The following NFKB1 variants were observed in gnomAD, a reference collection of about 807,000 sequenced individuals.
The protein encoded by NFKB1 is nuclear factor kappa B subunit 1.
In NFKB1, 9 loss-of-function variants were observed where a neutral mutation model predicts 105.1. That is an observed-to-expected ratio of 0.09 (90% confidence interval 0.05 to 0.15). The LOEUF (loss-of-function observed/expected upper bound fraction) is 0.15. NFKB1 is among the 10% of genes least tolerant of loss of function. The probability of loss-of-function intolerance (pLI) is 1.00; values close to 1 mark genes in which losing one functional copy is unlikely to be tolerated. For synonymous variants in NFKB1, 440 were observed against 442.2 expected, an observed-to-expected ratio of 1.00 and a Z score of 0.06; for missense variants, 830 against 1,203.7, an observed-to-expected ratio of 0.69 and a Z score of 4.59.
chr4:102,580,167 C>A (rs934580165), intron 8 of NFKB1, among the ~76,000 whole-genome samples: 1 of 152,100 alleles, frequency 6.6e-6, no homozygotes, highest in Admixed American at 6.6e-5. Context: ...AGAATAATAG[C>A]AGAATCATGG....
chr4:102,509,095 G>A (rs761188831), intron 1 of NFKB1, among the ~76,000 whole-genome samples: 8 of 152,078 alleles, frequency 5.3e-5, no homozygotes, highest in East Asian at 1.9e-4. Context: ...AGTCAGTTGC[G>A]ATCAAGCAAA....
intron 7 of NFKB1, 116 bp downstream of exon 7, chr4:102,577,155 C>T (rs1292377011): frequency 1.9e-6 from 2 of 1,065,854 alleles, no homozygotes; most frequent in Non-Finnish European, 2.6e-6. Flanking sequence ...CTGCTGTCAC[C>T]TTTTCCTTGC....
intron 6 of NFKB1, among the ~76,000 whole-genome samples, 173 bp downstream of exon 6, chr4:102,567,308 A>G (rs1369166564): frequency 3.3e-5 from 5 of 152,178 alleles, no homozygotes; most frequent in Admixed American, 6.5e-5. Context: ...AGGTGACCAC[A>G]TGTCTGGATT....
At chr4:102,537,112 C>T (rs2149127049) in intron 4 of NFKB1, among the ~76,000 whole-genome samples, 1 of 152,242 alleles carries the variant, frequency 6.6e-6, no homozygotes, top group South Asian at 2.1e-4. Context: ...AAATATGACA[C>T]TTCTTAGGTG....
chr4:102,532,429 C>T (rs1741354362), intron 3 of NFKB1, among the ~76,000 whole-genome samples: 1 of 152,142 alleles, frequency 6.6e-6, no homozygotes, highest in African/African-American at 2.4e-5. Flanking sequence ...GAGTTCAAGA[C>T]CAGCCTGGCC....
At chr4:102,615,227 G>A (rs574810647) in intron 23 of NFKB1, among the ~76,000 whole-genome samples, 1 of 152,162 alleles carries the variant, frequency 6.6e-6, no homozygotes, top group Non-Finnish European at 1.5e-5. Flanking sequence ...CAGTGTTCGA[G>A]GTTTTAAAGA....
Position 102,541,294 on chromosome 4 carries a change from T to A in NFKB1, c.258+3338T>A, listed in dbSNP as rs571622368. Among the ~76,000 whole-genome samples the A allele has an allele frequency of 7.9e-5, 12 of 151,410 alleles. 1 individual carries two copies. In the South Asian group the frequency reaches 2.5e-3, roughly 32 times the overall value. ...AACCTTACCCATTTGCATACTTTTC[T>A]ACTATAAAGTTGTCTCGCATAGATT... On this transcript the variant is annotated intron_variant, in intron 5 of 23. Transcript: ENST00000226574.
intron 6 of NFKB1, among the ~76,000 whole-genome samples, chr4:102,568,878 C>A (rs1298067326): frequency 6.6e-6 from 1 of 152,098 alleles, no homozygotes; most frequent in Non-Finnish European, 1.5e-5. Context: ...ATTCAACAAA[C>A]ATTTTGAGCA....
Position 102,580,489 on chromosome 4 carries a change from A to T in NFKB1, c.731-46A>T, listed in dbSNP as rs780052858. 9 of 1,523,356 alleles carry T rather than the reference A, an allele frequency of 5.9e-6. No individual in the cohort carries two copies. In the Admixed American group the frequency reaches 6.9e-5, roughly 12 times the overall value. 94.4% of individuals were successfully genotyped at this position (1,523,356 alleles called of 1,614,324 possible). A position where few individuals can be genotyped will look rare whatever the true frequency, so the allele number is the denominator to read the frequency against. ...TCCTACCTAAAGGACTGGCTTGTTGAGCTGAGGATTAATCATGTTATTTGT... is the reference window on the plus strand; with the variant it reads ...TCCTACCTAAAGGACTGGCTTGTTGTGCTGAGGATTAATCATGTTATTTGT... On this transcript the variant is annotated intron_variant, in intron 8 of 23. Coordinates refer to ENST00000226574, the MANE Select transcript of NFKB1 (RefSeq NM_003998.4).
intron 3 of NFKB1, among the ~76,000 whole-genome samples, chr4:102,533,062 CTTCAA>C (rs1356934913): frequency 1.3e-5 from 2 of 152,162 alleles, no homozygotes; most frequent in Admixed American, 1.3e-4. Context: ...ATGTACCTAT[CTTCAA>C]TTAAATTATT....
intron 1 of NFKB1, among the ~76,000 whole-genome samples, chr4:102,516,369 G>A (rs1405823431): frequency 1.3e-5 from 2 of 151,718 alleles, no homozygotes; most frequent in Admixed American, 6.6e-5. Context: ...TCTGTTTCTG[G>A]GATTCTATGT....
intron 2 of NFKB1, 95 bp from the exon 3 acceptor site, chr4:102,529,741 A>G: frequency 1.1e-6 from 1 of 885,148 alleles, no homozygotes; most frequent in East Asian, 2.7e-5. Context: ...CTTTAGTTTC[A>G]TTCCTATTAT....
At chr4:102,590,276 A>G (rs1168819685) in intron 11 of NFKB1, among the ~76,000 whole-genome samples, 2 of 152,214 alleles carry the variant, frequency 1.3e-5, no homozygotes, top group Non-Finnish European at 2.9e-5. Flanking sequence ...TCCCTGTTCA[A>G]AAACATTCAG....
intron 1 of NFKB1, among the ~76,000 whole-genome samples, chr4:102,508,578 G>A (rs1251662740): frequency 1.3e-5 from 2 of 151,960 alleles, no homozygotes; most frequent in Non-Finnish European, 1.5e-5. Context: ...AAAAAACCTG[G>A]GGAACTACTT....
At chr4:102,583,106 A>C (rs565962706) in intron 10 of NFKB1, 149 bp downstream of exon 10, 2 of 501,338 alleles carry the variant, frequency 4.0e-6, no homozygotes, top group Non-Finnish European at 7.0e-6. Flanking sequence ...CAACCTACCA[A>C]ATATCTGGGA....
In NFKB1 at chr4:102,601,013, A is replaced by G; in HGVS notation, c.1752+4A>G. 6.6e-7 allele frequency: 1 copy of G among 1,519,774 alleles called. No individual in the cohort carries two copies. Among genetic ancestry groups the G allele is most frequent in the Non-Finnish European group, 9.0e-7 (1 of 1,107,072 alleles). 94.1% of individuals were successfully genotyped at this position (1,519,774 alleles called of 1,614,324 possible). A position where few individuals can be genotyped will look rare whatever the true frequency, so the allele number is the denominator to read the frequency against. ...CATGAGAAATGATCTGTACCAGGTAAGCAGAAATCTCAAGAAAACAACTGA... is the reference window on the plus strand; with the variant it reads ...CATGAGAAATGATCTGTACCAGGTAGGCAGAAATCTCAAGAAAACAACTGA... On this transcript the variant is annotated splice_donor_region_variant and intron_variant, in intron 16 of 23. Coordinates refer to ENST00000226574, the MANE Select transcript of NFKB1 (RefSeq NM_003998.4).
At chr4:102,540,023 A>G (rs1053110660) in intron 5 of NFKB1, among the ~76,000 whole-genome samples, 2 of 152,202 alleles carry the variant, frequency 1.3e-5, no homozygotes, top group Admixed American at 6.5e-5. Flanking sequence ...TGTCACATGT[A>G]TAAATATTGT....
chr4:102,557,499 T>C (rs1381540328), intron 5 of NFKB1, among the ~76,000 whole-genome samples: 1 of 152,148 alleles, frequency 6.6e-6, no homozygotes, highest in Non-Finnish European at 1.5e-5. Flanking sequence ...CCTGCACTAC[T>C]ATCAGGACTA....
chr4:102,563,168 C>A (rs1723579886), intron 5 of NFKB1, among the ~76,000 whole-genome samples: 1 of 151,978 alleles, frequency 6.6e-6, no homozygotes, highest in African/African-American at 2.4e-5. Context: ...GATCTGAGAC[C>A]CATGGTTTCT....
Sources: gnomAD v4.1 joint callset for allele counts (sites outside exome capture counted in the v4.1 genomes callset) on GRCh38, gnomAD v4.1.1 for gene constraint, MANE v1.5 for transcripts, NCBI Gene and HGNC (gene_info 2026-07-23, HGNC 2026-07-21) for gene names.